The following LARGE1 variants were observed in gnomAD, a reference collection of about 807,000 sequenced individuals.
The protein encoded by LARGE1 is LARGE xylosyl- and glucuronyltransferase 1, also known as xylosyl- and glucuronyltransferase LARGE1.
A neutral mutation model predicts 87.6 loss-of-function variants in LARGE1; 43 were observed. The ratio of observed to expected loss-of-function variants is 0.49; its 90% CI spans 0.38 to 0.63. The LOEUF is 0.63. LARGE1 is among the 30% of genes least tolerant of loss of function. The pLI, the probability that LARGE1 is intolerant of heterozygous loss-of-function variation, is 0.00. For synonymous variants in LARGE1, 434 were observed against 394.6 expected (o/e 1.10, Z -1.18); for missense variants, 802 against 1,000.2 (o/e 0.80, Z 2.67).
chr22:33,864,259 C>T (rs2064020808), intron 1 of LARGE1, among the ~76,000 whole-genome samples: 1 of 152,152 alleles, frequency 6.6e-6, no homozygotes, highest in Non-Finnish European at 1.5e-5. Context: ...TCAGTGCCTA[C>T]CATGGAGCTA....
intron 9 of LARGE1, among the ~76,000 whole-genome samples, chr22:33,352,342 G>A (rs1940469544): frequency 6.6e-6 from 1 of 152,186 alleles, no homozygotes; most frequent in African/African-American, 2.4e-5. Context: ...CAGACCCAAG[G>A]AGACTAAGGA....
chr22:33,831,094 TTTTTTC>T (rs1472204982), intron 1 of LARGE1, among the ~76,000 whole-genome samples: 17 of 120,016 alleles, frequency 1.4e-4, no homozygotes, highest in African/African-American at 5.4e-4. Flanking sequence ...TATTTTTTTC[TTTTTTC>T]TTTTTTTTTT....
At chr22:33,116,445 C>T in the LARGE1 span, among the ~76,000 whole-genome samples, 5 of 152,244 alleles carry the variant, frequency 3.3e-5, no homozygotes, top group Admixed American at 2.6e-4. Flanking sequence ...AGCTCCGCCT[C>T]CCGGGTTCAC....
intron 6 of LARGE1, among the ~76,000 whole-genome samples, chr22:33,474,927 A>G (rs1048568933): frequency 5.9e-5 from 9 of 152,170 alleles, no homozygotes; most frequent in African/African-American, 1.7e-4. Flanking sequence ...GGCTGAAAAG[A>G]AGAGAGCTGA....
intron 6 of LARGE1, among the ~76,000 whole-genome samples, chr22:33,500,370 A>G (rs2148359387): frequency 6.6e-6 from 1 of 152,286 alleles, no homozygotes. Flanking sequence ...ACTTTATCTC[A>G]ATCTTCGAAA....
At chr22:33,618,232 G>A (rs2079638267) in intron 4 of LARGE1, among the ~76,000 whole-genome samples, 1 of 152,104 alleles carries the variant, frequency 6.6e-6, no homozygotes, top group African/African-American at 2.4e-5. Context: ...GAAGATTCAA[G>A]GACAAGTCAG....
intron 1 of LARGE1, among the ~76,000 whole-genome samples, chr22:33,865,786 T>TA (rs1435019107): frequency 1.4e-5 from 2 of 142,660 alleles, no homozygotes; most frequent in Non-Finnish European, 3.0e-5. Flanking sequence ...GTAAAACATT[T>TA]AAAAAATACT....
intron 1 of LARGE1, among the ~76,000 whole-genome samples, chr22:33,870,509 T>G (rs989473143): frequency 6.6e-6 from 1 of 152,104 alleles, no homozygotes; most frequent in Non-Finnish European, 1.5e-5. Flanking sequence ...ACAAACTCAT[T>G]TTATTCCCAC....
intron 7 of LARGE1, among the ~76,000 whole-genome samples, chr22:33,392,848 A>C (rs1243441086): frequency 1.3e-5 from 2 of 152,164 alleles, no homozygotes; most frequent in South Asian, 4.1e-4. Flanking sequence ...TTATTCAAAT[A>C]ATCTTCAAAA....
chr22:33,587,870 T>A (rs187363837), intron 5 of LARGE1, among the ~76,000 whole-genome samples: 4 of 152,362 alleles, frequency 2.6e-5, no homozygotes, highest in Admixed American at 2.6e-4. Flanking sequence ...AAAATTTATT[T>A]TTTTAATCTG....
chr22:33,084,535 G>A, the LARGE1 span, among the ~76,000 whole-genome samples: 149 of 151,180 alleles, frequency 9.9e-4, no homozygotes, highest in African/African-American at 3.6e-3. Context: ...CACACCTGTA[G>A]TCCCAGCTAC....
chr22:33,762,213 C>CAAAAAAAAAAAA (rs56832457), intron 1 of LARGE1, among the ~76,000 whole-genome samples: 9 of 84,476 alleles, frequency 1.1e-4, no homozygotes, highest in African/African-American at 4.1e-4. Flanking sequence ...GATTCTATCT[C>CAAAAAAAAAAAA]AAAAAAAAAA....
chr22:33,506,815 C>T (rs1307370415), intron 6 of LARGE1, among the ~76,000 whole-genome samples: 3 of 152,112 alleles, frequency 2.0e-5, no homozygotes, highest in Admixed American at 2.0e-4. Flanking sequence ...GCAAGAGAAT[C>T]GCTTGAACCC....
At chr22:33,198,937 G>A (rs78729561) in intron 11 of LARGE1, among the ~76,000 whole-genome samples, 4,588 of 152,112 alleles carry the variant, frequency 0.03, 93 homozygotes, top group Admixed American at 0.057. Context: ...TTCCATAAAG[G>A]TCATACTAAG....
chr22:33,753,208 G>A (rs1272888659), intron 2 of LARGE1, among the ~76,000 whole-genome samples: 1 of 151,688 alleles, frequency 6.6e-6, no homozygotes, highest in Non-Finnish European at 1.5e-5. Flanking sequence ...GATAGAGCAA[G>A]ACTCCATCAC....
chr22:33,289,669 T>C (rs909572264), intron 12 of LARGE1, among the ~76,000 whole-genome samples: 6 of 152,184 alleles, frequency 3.9e-5, no homozygotes, highest in Non-Finnish European at 8.8e-5. Context: ...ACAGAACTTA[T>C]GAGATCTCGG....
At chr22:33,448,066 GC>G (rs2067760795) in intron 6 of LARGE1, among the ~76,000 whole-genome samples, 1 of 151,856 alleles carries the variant, frequency 6.6e-6, no homozygotes, top group African/African-American at 2.4e-5. Flanking sequence ...GAGACAGAGA[GC>G]AGATTAGTGG....
chr22:33,800,494 T>C (rs2086126825), intron 1 of LARGE1, among the ~76,000 whole-genome samples: 1 of 152,172 alleles, frequency 6.6e-6, no homozygotes, highest in African/African-American at 2.4e-5. Flanking sequence ...ACCATCACAA[T>C]CAAGATACAG....
chr22:33,437,251 T>G (rs755273094), intron 6 of LARGE1, among the ~76,000 whole-genome samples: 1 of 152,162 alleles, frequency 6.6e-6, no homozygotes, highest in Non-Finnish European at 1.5e-5. Flanking sequence ...GTGTCTACAT[T>G]CACCTCATAA....
Sources: gnomAD v4.1 joint callset for allele counts (sites outside exome capture counted in the v4.1 genomes callset) on GRCh38, gnomAD v4.1.1 for gene constraint, MANE v1.5 for transcripts, NCBI Gene and HGNC (gene_info 2026-07-23, HGNC 2026-07-21) for gene names.